The following RBMS3 variants were observed in gnomAD, a reference collection of about 807,000 sequenced individuals.
The protein encoded by RBMS3 is RNA-binding motif, single-stranded-interacting protein 3.
A neutral mutation model predicts 66.8 loss-of-function variants in RBMS3; 27 were observed. That is an observed-to-expected ratio of 0.40 (90% CI 0.30 to 0.56). The LOEUF (loss-of-function observed/expected upper bound fraction) is 0.56, where lower values mean the gene tolerates loss of function less well. Among genes scored for constraint, RBMS3 ranks in the 20% least tolerant of loss-of-function variants. The pLI is 0.40. For synonymous variants in RBMS3, 188 were observed against 183.0 expected, an observed-to-expected ratio of 1.03 and a Z score of -0.22; for missense variants, 513 against 549.5, an observed-to-expected ratio of 0.93 and a Z score of 0.66.
intron 11 of RBMS3, among the ~76,000 whole-genome samples, chr3:29,943,146 T>A (rs2061431159): frequency 6.6e-6 from 1 of 151,812 alleles, no homozygotes; most frequent in Admixed American, 6.6e-5. Flanking sequence ...GAGATGAAAG[T>A]GAGAAATACG....
intron 3 of RBMS3, among the ~76,000 whole-genome samples, chr3:29,549,155 C>T (rs2046092151): frequency 1.5e-5 from 2 of 135,652 alleles, no homozygotes; most frequent in South Asian, 4.9e-4. Flanking sequence ...TTCTTGCTTT[C>T]CTTTTATATT....
chr3:29,974,900 ATATT>A (rs1170358928), intron 12 of RBMS3, among the ~76,000 whole-genome samples: 2 of 142,842 alleles, frequency 1.4e-5, no homozygotes, highest in Non-Finnish European at 3.1e-5. Context: ...ATACGTTTCT[ATATT>A]TATATATTTT....
intron 4 of RBMS3, among the ~76,000 whole-genome samples, chr3:29,673,382 A>G (rs1252681519): frequency 1.3e-5 from 2 of 152,184 alleles, no homozygotes; most frequent in Admixed American, 6.5e-5. Context: ...GCAGAAGGCA[A>G]CAAATAACTA....
intron 4 of RBMS3, among the ~76,000 whole-genome samples, chr3:29,683,285 G>T (rs62234910): frequency 1.3e-5 from 2 of 152,296 alleles, no homozygotes; most frequent in South Asian, 4.1e-4. Context: ...ACACAAGACA[G>T]TAGTATTTTC....
chr3:29,761,469 T>A (rs975650712), intron 5 of RBMS3, among the ~76,000 whole-genome samples: 1 of 152,090 alleles, frequency 6.6e-6, no homozygotes, highest in Non-Finnish European at 1.5e-5. Context: ...CACATTGTAA[T>A]AAGGACGCAC....
intron 11 of RBMS3, among the ~76,000 whole-genome samples, chr3:29,943,321 C>T (rs961020204): frequency 2.6e-5 from 4 of 151,786 alleles, no homozygotes; most frequent in African/African-American, 9.7e-5. Context: ...TAGAGTTTAC[C>T]CCTCCAAGGG....
At chr3:29,711,164 A>G (rs1448933873) in intron 4 of RBMS3, among the ~76,000 whole-genome samples, 2 of 152,220 alleles carry the variant, frequency 1.3e-5, no homozygotes, top group African/African-American at 4.8e-5. Flanking sequence ...TAATAATAAA[A>G]GAGGACAATT....
chr3:29,760,288 C>A lies in RBMS3; in HGVS notation c.558-2622C>A, dbSNP rs1216870100. 3.3e-5 allele frequency among the ~76,000 whole-genome samples: 5 copies of A among 149,372 alleles called. No homozygotes were observed. In the East Asian group the frequency reaches 5.8e-4, roughly 17 times the overall value. On this transcript the variant is annotated intron_variant, in intron 5 of 14. Coordinates refer to ENST00000383767, the MANE Select transcript of RBMS3 (RefSeq NM_001003793.3). ...ACACACATACACACACACACCCCTA[C>A]ACACACACACACACCCCTAGTATTA...
At chr3:29,835,921 G>T (rs1576950304) in intron 6 of RBMS3, among the ~76,000 whole-genome samples, 1 of 151,686 alleles carries the variant, frequency 6.6e-6, no homozygotes, top group Non-Finnish European at 1.5e-5. Flanking sequence ...AATATGATCA[G>T]AAATAAAAGA....
At chr3:29,548,545 T>C (rs1362703728) in intron 3 of RBMS3, among the ~76,000 whole-genome samples, 1 of 151,764 alleles carries the variant, frequency 6.6e-6, no homozygotes, top group Non-Finnish European at 1.5e-5. Context: ...CATAAAATAC[T>C]TTTTAAAGGA....
intron 4 of RBMS3, among the ~76,000 whole-genome samples, chr3:29,728,810 A>T (rs750957584): frequency 6.6e-6 from 1 of 152,040 alleles, no homozygotes; most frequent in Non-Finnish European, 1.5e-5. Flanking sequence ...TTAAGTGCCA[A>T]TGTAGAGCTG....
intron 4 of RBMS3, among the ~76,000 whole-genome samples, chr3:29,687,458 C>A (rs1225966968): frequency 6.6e-6 from 1 of 152,156 alleles, no homozygotes; most frequent in Non-Finnish European, 1.5e-5. Context: ...TACAGGATTT[C>A]TTTTTCCTTC....
intron 6 of RBMS3, among the ~76,000 whole-genome samples, chr3:29,843,967 A>G (rs899621018): frequency 5.9e-5 from 9 of 152,112 alleles, no homozygotes; most frequent in Admixed American, 5.9e-4. Context: ...AAAAAAAAAA[A>G]AGGTTGCTTT....
chr3:29,927,200 A>G (rs763655600), intron 10 of RBMS3: 8 of 152,240 alleles, frequency 5.3e-5, no homozygotes, highest in Non-Finnish European at 1.2e-4. Context: ...GAGGAAGTGT[A>G]TGAATGGATC....
chr3:29,989,353 G>T (rs554784076), intron 13 of RBMS3, among the ~76,000 whole-genome samples: 1 of 152,226 alleles, frequency 6.6e-6, no homozygotes, highest in Admixed American at 6.5e-5. Flanking sequence ...CTTCTTTCTG[G>T]TTCTAGCCAT....
intron 3 of RBMS3, among the ~76,000 whole-genome samples, chr3:29,566,948 ATAAAAAGCTTAAAT>A (rs1425878393): frequency 1.3e-5 from 2 of 152,216 alleles, no homozygotes. Flanking sequence ...AAGAAAAACA[ATAAAAAGCTTAAAT>A]TCATCTTCTC....
intron 5 of RBMS3, among the ~76,000 whole-genome samples, chr3:29,747,734 C>T (rs1318048298): frequency 1.3e-5 from 2 of 152,082 alleles, no homozygotes; most frequent in Admixed American, 1.3e-4. Context: ...GGTAGTATAG[C>T]CCTAGGTAGT....
At chr3:29,553,265 G>T (rs1389631027) in intron 3 of RBMS3, among the ~76,000 whole-genome samples, 2 of 152,104 alleles carry the variant, frequency 1.3e-5, no homozygotes, top group East Asian at 3.9e-4. Context: ...AAGTTTCCTG[G>T]GAAACAGGCT....
At chr3:29,366,420 T>C (rs149694743) in intron 1 of RBMS3, among the ~76,000 whole-genome samples, 1 of 152,306 alleles carries the variant, frequency 6.6e-6, no homozygotes, top group African/African-American at 2.4e-5. Flanking sequence ...AGGGTCTTGC[T>C]TTGTTGTCTA....
Sources: gnomAD v4.1 joint callset for allele counts (sites outside exome capture counted in the v4.1 genomes callset) on GRCh38, gnomAD v4.1.1 for gene constraint, MANE v1.5 for transcripts, NCBI Gene and HGNC (gene_info 2026-07-23, HGNC 2026-07-21) for gene names.